ENOX1: variants seen among roughly 807,000 people sequenced by gnomAD.
ENOX1 encodes the protein ecto-NOX disulfide-thiol exchanger 1.
Under a neutral mutation model 82.5 loss-of-function variants are expected in ENOX1, and 42 were observed. The ratio of observed to expected loss-of-function variants is 0.51; its 90% CI spans 0.40 to 0.66. The LOEUF (loss-of-function observed/expected upper bound fraction) is 0.66, where lower values mean the gene tolerates loss of function less well. Ranked by LOEUF, ENOX1 falls within the 30% of genes least tolerant of loss-of-function variation. ENOX1 has a pLI of 0.00. For missense variants in ENOX1, 608 were observed against 811.6 expected (o/e 0.75, Z 3.05); for synonymous variants, 271 against 282.2 (o/e 0.96, Z 0.40).
chr13:43,534,409 GAGTCTGATC>G (rs1172745892), intron 2 of ENOX1, among the ~76,000 whole-genome samples: 1 of 151,980 alleles, frequency 6.6e-6, no homozygotes, highest in Admixed American at 6.6e-5. Flanking sequence ...ACCAGGTACA[GAGTCTGATC>G]AGTTTCCAGG....
In ENOX1 at chr13:43,537,265, C is replaced by T. The variant is rs149180869; in HGVS notation, c.-218-53113G>A. Among the ~76,000 whole-genome samples the T allele has an allele frequency of 7.7e-3, 1,176 of 152,218 alleles. 11 individuals carry two copies. The highest frequency in any genetic ancestry group is 0.026 in the African/African-American group (1,071 of 41,512). ...AGATATGGGGCTCTGTCACCATGGA[C>T]GGGTTATCAGTTGAAGTCACAACTC... On this transcript the variant is annotated intron_variant, in intron 2 of 16. Coordinates refer to ENST00000690772, the MANE Select transcript of ENOX1 (RefSeq NM_001347969.2).
intron 2 of ENOX1, among the ~76,000 whole-genome samples, chr13:43,532,816 A>G (rs553615379): frequency 5.9e-5 from 9 of 151,900 alleles, no homozygotes; most frequent in Admixed American, 2.6e-4. Context: ...TTTCAAAAAT[A>G]TATTTTTAAA....
At chr13:43,221,241 C>T (rs1174888873) in intron 16 of ENOX1, among the ~76,000 whole-genome samples, 1 of 152,190 alleles carries the variant, frequency 6.6e-6, no homozygotes, top group Non-Finnish European at 1.5e-5. Context: ...AAAACTGAGC[C>T]TTCATCTCCT....
chr13:43,422,180 T>C (rs553323720), intron 3 of ENOX1, among the ~76,000 whole-genome samples: 1 of 152,262 alleles, frequency 6.6e-6, no homozygotes, highest in African/African-American at 2.4e-5. Flanking sequence ...ACTTAACAAG[T>C]CACCCTCTAA....
chr13:43,245,097 C>T (rs879685267), intron 14 of ENOX1, among the ~76,000 whole-genome samples: 4 of 152,178 alleles, frequency 2.6e-5, no homozygotes, highest in African/African-American at 4.8e-5. Flanking sequence ...TCACACTTTC[C>T]TTTATGGGCA....
intron 11 of ENOX1, among the ~76,000 whole-genome samples, chr13:43,305,055 T>C (rs920554829): frequency 1.3e-5 from 2 of 152,180 alleles, no homozygotes; most frequent in African/African-American, 4.8e-5. Context: ...ACCAGTACCA[T>C]GTCAGAAGAT....
intron 16 of ENOX1, among the ~76,000 whole-genome samples, chr13:43,216,040 C>T (rs2153448147): frequency 6.6e-6 from 1 of 152,142 alleles, no homozygotes. Context: ...ACTAAAAATA[C>T]AAAAAATTAG....
intron 5 of ENOX1, among the ~76,000 whole-genome samples, chr13:43,398,245 T>G (rs1471206266): frequency 1.3e-5 from 2 of 152,204 alleles, no homozygotes; most frequent in African/African-American, 2.4e-5. Flanking sequence ...TTTAGGTACT[T>G]TACAGCTCAG....
At chr13:43,660,750 G>A (rs9590779) in intron 2 of ENOX1, among the ~76,000 whole-genome samples, 38,475 of 152,070 alleles carry the variant, frequency 0.25, 5,257 homozygotes, top group Non-Finnish European at 0.32. Context: ...ACTCACTGGA[G>A]CAAAAAGGAC....
intron 3 of ENOX1, among the ~76,000 whole-genome samples, chr13:43,416,954 A>G (rs2054628925): frequency 6.6e-6 from 1 of 152,188 alleles, no homozygotes; most frequent in East Asian, 1.9e-4. Flanking sequence ...TCCGTCTTCA[A>G]TCCCAGCACC....
chr13:43,416,777 G>A (rs1320103927), intron 3 of ENOX1, among the ~76,000 whole-genome samples: 1 of 151,872 alleles, frequency 6.6e-6, no homozygotes, highest in Non-Finnish European at 1.5e-5. Context: ...TGGGCAGCCA[G>A]GCAGAGACGC....
intron 5 of ENOX1, 93 bp downstream of exon 5, chr13:43,411,823 C>G: frequency 2.6e-6 from 4 of 1,510,962 alleles, no homozygotes; most frequent in Non-Finnish European, 3.6e-6. Context: ...AAGACTGTGT[C>G]CAACACTCGC....
intron 2 of ENOX1, among the ~76,000 whole-genome samples, chr13:43,498,019 C>G (rs1390310312): frequency 3.3e-5 from 5 of 151,988 alleles, no homozygotes; most frequent in Non-Finnish European, 2.9e-5. Context: ...TATGGCTTCT[C>G]ATACCCTATA....
chr13:43,355,902 G>A lies in ENOX1; in HGVS notation c.823+17C>T, dbSNP rs753120935. On this transcript the variant is annotated intron_variant, in intron 8 of 16. Coordinates refer to ENST00000690772, the MANE Select transcript of ENOX1 (RefSeq NM_001347969.2). ...GATCCCTGTGGAGGAAGAAAAGCCA[G>A]CGTGGGTGGCCCATACCTTTCAGCT... The A allele has an allele frequency of 6.3e-7, 1 of 1,599,634 alleles. No individual in the cohort carries two copies.
At chr13:43,341,776 T>C (rs1204479938) in intron 9 of ENOX1, among the ~76,000 whole-genome samples, 1 of 152,192 alleles carries the variant, frequency 6.6e-6, no homozygotes, top group African/African-American at 2.4e-5. Context: ...TGCCTTATTA[T>C]GAGAACTCCA....
chr13:43,225,993 T>C (rs1287635020), intron 15 of ENOX1, among the ~76,000 whole-genome samples: 1 of 152,204 alleles, frequency 6.6e-6, no homozygotes, highest in Non-Finnish European at 1.5e-5. Flanking sequence ...AAGGCAATGA[T>C]GATACTTTAA....
intron 1 of ENOX1, among the ~76,000 whole-genome samples, chr13:43,731,999 A>G (rs1269209682): frequency 6.6e-6 from 1 of 152,232 alleles, no homozygotes; most frequent in Non-Finnish European, 1.5e-5. Flanking sequence ...GCAGTGAAGG[A>G]AAGGGGAAAG....
rs752367990 is a variant in ENOX1, at chr13:43,322,430, A to G, written c.1215T>C (p.Asp405=). The G allele has an allele frequency of 6.2e-7, 1 of 1,614,128 alleles. No homozygotes were observed. Reference sequence around the variant, plus strand: ...TCTTTGTAGGGCTGTCACAGTTCTCATCATCAGACATTTCCATTTCTTCTT... The same window carrying G: ...TCTTTGTAGGGCTGTCACAGTTCTCGTCATCAGACATTTCCATTTCTTCTT... ...RREEEMEMSD[D]ENCDSPTKKM... is the part of the protein sequence containing the mutation. The change falls in exon 11 of 17, where the codon GAT becomes GAC. Residue 405 remains aspartate (D), a synonymous_variant. Transcript: ENST00000690772.
intron 1 of ENOX1, among the ~76,000 whole-genome samples, chr13:43,761,540 C>G (rs1273811384): frequency 6.6e-6 from 1 of 152,198 alleles, no homozygotes; most frequent in Non-Finnish European, 1.5e-5. Flanking sequence ...ATATCAACTC[C>G]CTGCCCACTA....
Sources: allele counts gnomAD v4.1 joint callset (sites outside exome capture counted in the v4.1 genomes callset), GRCh38; gene constraint gnomAD v4.1.1; transcripts MANE v1.5; gene names NCBI Gene and HGNC (gene_info 2026-07-23, HGNC 2026-07-21).